ITGA3: variants seen among roughly 807,000 people sequenced by gnomAD.
ITGA3 encodes the protein integrin subunit alpha 3.
ITGA3 carries 70 observed loss-of-function variants against 131.1 expected under a neutral mutation model. The observed-to-expected ratio is 0.53, with a 90% CI of 0.44 to 0.65. The LOEUF (loss-of-function observed/expected upper bound fraction) is 0.65, where lower values mean the gene tolerates loss of function less well. Ranked by LOEUF, ITGA3 falls within the 30% of genes least tolerant of loss-of-function variation. ITGA3 has a pLI of 0.00. For missense variants in ITGA3, 1,098 were observed against 1,388.6 expected (o/e 0.79, Z 3.33); for synonymous variants, 537 against 571.6 (o/e 0.94, Z 0.86).
chr17:50,087,742 A>G lies in ITGA3; in HGVS notation c.2920-2A>G. The G allele has an allele frequency of 6.2e-7, 1 of 1,612,586 alleles. No individual in the cohort carries two copies. The highest frequency in any genetic ancestry group is 1.1e-5 in the South Asian group (1 of 91,050). ...GGCTGAGTCCTCCTCTCCCCGCTCC[A>G]GTTCTCTGTGGACATTGACTCGGAG... is the stretch of plus-strand genomic sequence containing the variant. On this transcript the variant is annotated splice_acceptor_variant, in intron 23 of 25. Transcript: ENST00000320031. LOFTEE classifies it high-confidence loss of function.
intron 23 of ITGA3, among the ~76,000 whole-genome samples, chr17:50,084,999 G>T (rs1248426427): frequency 6.6e-6 from 1 of 152,048 alleles, no homozygotes; most frequent in Non-Finnish European, 1.5e-5. Context: ...GATCACCTGA[G>T]GTCAGGAGTT....
chr17:50,061,427 G>A (rs1310539135), intron 1 of ITGA3, among the ~76,000 whole-genome samples: 2 of 152,062 alleles, frequency 1.3e-5, no homozygotes, highest in African/African-American at 4.8e-5. Context: ...GCTGCCTCCT[G>A]TATGACAACA....
intron 16 of ITGA3, among the ~76,000 whole-genome samples, 200 bp from the exon 17 acceptor site, chr17:50,077,846 G>A (rs533240543): frequency 6.6e-6 from 1 of 152,294 alleles, no homozygotes; most frequent in African/African-American, 2.4e-5. Flanking sequence ...CTCAAAAGTA[G>A]CAGAGATGTG....
rs2269772 is a variant in ITGA3 at position 50,072,022 on chromosome 17, C to T, written c.996C>T (p.Phe332=). The T allele has an allele frequency of 0.12, 194,753 of 1,613,448 alleles. 16,649 individuals carry two copies. The highest frequency in any genetic ancestry group is 0.34 in the African/African-American group (25,414 of 74,904). ...QDLLVGAPYY[F]ERKEEVGGAI... ...TCCTGGTGGGCGCCCCCTACTACTT[C>T]GAGAGGAAAGAGGAAGTAGGGGGTG... The change falls in exon 7 of 26, where the codon TTC becomes TTT. Residue 332 remains phenylalanine (F), a synonymous_variant. Coordinates refer to ENST00000320031, the MANE Select transcript of ITGA3 (RefSeq NM_002204.4).
chr17:50,076,241 C>T (rs1185793763), intron 12 of ITGA3, 85 bp from the exon 13 acceptor site: 4 of 1,492,280 alleles, frequency 2.7e-6, no homozygotes, highest in Non-Finnish European at 2.7e-6. Context: ...GGGTCCAGCT[C>T]TTCTCTGGGG....
intron 1 of ITGA3, chr17:50,063,819 C>A: frequency 2.0e-6 from 1 of 505,736 alleles, no homozygotes; most frequent in Non-Finnish European, 3.6e-6. Context: ...ATTAGGTCAC[C>A]TCTTCTGCTG....
At position 50,056,709 on chromosome 17, in the gene ITGA3, G is replaced by T; in HGVS notation, c.206+64G>T. On this transcript the variant is annotated intron_variant, in intron 1 of 25. Transcript: ENST00000320031. The surrounding 1 kb of genome is among the most constrained non-coding windows in gnomAD (Gnocchi z 5.6). ...GTGTGCGAGCGCGGGATGCGGGTCC[G>T]GAGCTGAGTCGGAGCCCAGGGCAGC... 1 of 1,497,088 alleles carries T rather than the reference G, an allele frequency of 6.7e-7. No individual in the cohort carries two copies. Among genetic ancestry groups the T allele is most frequent in the Non-Finnish European group, 9.0e-7 (1 of 1,106,906 alleles). The allele number at this position is 1,497,088 out of a possible 1,614,324, so 92.7% of individuals were successfully genotyped here.
Position 50,075,751 on chromosome 17 carries a change from GGGTCA to G in ITGA3, c.1674+19_1674+23del, listed in dbSNP as rs1908861114. The G allele has an allele frequency of 6.2e-7, 1 of 1,613,534 alleles. No homozygotes were observed. The stretch of plus-strand genomic sequence containing the variant: ...GCTCCTGATGGTGAGGGAGGAGCAA[GGGTCA>G]GGATGAGGGCTCCCAGGTCCCTGGA... On this transcript the variant is annotated intron_variant, in intron 12 of 25. Transcript: ENST00000320031.
intron 22 of ITGA3, 60 bp downstream of exon 22, chr17:50,080,435 G>T (rs1032277988): frequency 1.1e-6 from 1 of 951,244 alleles, no homozygotes. Context: ...GAACAACAGG[G>T]AGAGGGCGAG....
Position 50,076,439 on chromosome 17 carries a change from C to A in ITGA3, c.1788C>A (p.Ile596=). Reference sequence around the variant, plus strand: ...TGCGGTCCCTGGACGCCTACCCGATCCTCAACCAGGCACAGGCTCTGGAGA... The same window carrying A: ...TGCGGTCCCTGGACGCCTACCCGATACTCAACCAGGCACAGGCTCTGGAGA... ...LGLRSLDAYP[I]LNQAQALENH... Residue 596 remains isoleucine, a synonymous_variant, in exon 13 of 26, where the codon ATC becomes ATA. Transcript: ENST00000320031. 6.2e-7 allele frequency: 1 copy of A among 1,610,822 alleles called. No homozygotes were observed. Among genetic ancestry groups the A allele is most frequent in the Non-Finnish European group, 8.5e-7 (1 of 1,179,988 alleles).
At chr17:50,076,549 G>A in intron 13 of ITGA3, 35 bp from the exon 14 acceptor site, 3 of 1,608,000 alleles carry the variant, frequency 1.9e-6, no homozygotes, top group Non-Finnish European at 2.5e-6. Flanking sequence ...ACTGGGGGGG[G>A]TGGTGCGGCC....
chr17:50,071,049 G>A lies in ITGA3; in HGVS notation c.751+119G>A, dbSNP rs2301628. On this transcript the variant is annotated intron_variant, in intron 5 of 25. Coordinates refer to ENST00000320031, the MANE Select transcript of ITGA3 (RefSeq NM_002204.4). ...GGCATTTAGTTAAACTAGCACACAC[G>A]GATTGGCCGGCACCTGTATGCCAGG... 0.31 allele frequency: 241,004 copies of A among 772,402 alleles called. 43,334 individuals carry two copies. The highest frequency in any genetic ancestry group is 0.38 in the Middle Eastern group (1,325 of 3,518). The allele number at this position is 772,402 out of a possible 1,614,324, so 47.8% of individuals were successfully genotyped here. A position where few individuals can be genotyped will look rare whatever the true frequency, so the allele number is the denominator to read the frequency against.
chr17:50,072,400 T>A (rs1395526178), intron 7 of ITGA3, among the ~76,000 whole-genome samples: 1 of 152,104 alleles, frequency 6.6e-6, no homozygotes, highest in African/African-American at 2.4e-5. Context: ...TGGAGGAGCT[T>A]GCATGCCACT....
At position 50,070,892 on chromosome 17, in the gene ITGA3, G is replaced by C. The variant is rs1908594054; in HGVS notation, c.713G>C (p.Ser238Thr). ...QRKEWDLSEY[S>T]YKDPEDQGNL... ...AAGGAGTGGGACTTATCTGAGTATA[G>C]TTACAAGGACCCAGAGGACCAAGGA... Residue 238 changes from serine to threonine, a missense_variant, in exon 5 of 26, where the codon AGT (serine) becomes ACT (threonine). Physicochemically the swap from Ser to Thr is moderately conservative, Grantham distance 58 (BLOSUM62 1). Around this residue, in one of 3 missense-constraint regions of ITGA3, gnomAD observed 356 missense variants for 529.2 expected, o/e 0.67. Transcript: ENST00000320031. 6.2e-7 allele frequency: 1 copy of C among 1,612,484 alleles called. No individual in the cohort carries two copies. The highest frequency in any genetic ancestry group is 1.3e-5 in the African/African-American group (1 of 74,818).
In ITGA3 at chr17:50,064,516, C is replaced by G. The variant is rs371199298; in HGVS notation, c.335-12C>G. 3 of 1,607,610 alleles carry G rather than the reference C, an allele frequency of 1.9e-6. No individual in the cohort carries two copies. Among genetic ancestry groups the G allele is most frequent in the East Asian group, 4.5e-5 (2 of 44,754 alleles). ...GAGGTGCTCTGATTCATGATCCTTC[C>G]GGTGCCCACAGATGACCCTGGCCAT... On this transcript the variant is annotated splice_polypyrimidine_tract_variant and intron_variant, in intron 2 of 25. Coordinates refer to ENST00000320031, the MANE Select transcript of ITGA3 (RefSeq NM_002204.4). The surrounding 1 kb of genome is among the most constrained non-coding windows in gnomAD (Gnocchi z 4.4).
intron 1 of ITGA3, among the ~76,000 whole-genome samples, chr17:50,058,930 G>A (rs1333308175): frequency 6.6e-6 from 1 of 152,204 alleles, no homozygotes; most frequent in East Asian, 1.9e-4. Context: ...AGAGATGCAG[G>A]GACTCCCTGA....
At position 50,071,326 on chromosome 17, in the gene ITGA3, T is replaced by C; in HGVS notation, c.767T>C (p.Val256Ala). 1 of 1,613,966 alleles carries C rather than the reference T, an allele frequency of 6.2e-7. No homozygotes were observed. Among genetic ancestry groups the C allele is most frequent in the South Asian group, 1.1e-5 (1 of 91,086 alleles). The change falls in exon 6 of 26, where the codon GTA (valine) becomes GCA (alanine). Residue 256 changes from valine (V) to alanine (A), a missense_variant. This residue lies in a region of ITGA3 where 356 missense variants were observed against 529.2 expected (regional missense o/e 0.67). Coordinates refer to ENST00000320031, the MANE Select transcript of ITGA3 (RefSeq NM_002204.4). Reference sequence around the variant, plus strand: ...TCTATCCCAGGGTACACGATGCAGGTAGGCAGCTTCATCCTGCACCCCAAA... The same window carrying C: ...TCTATCCCAGGGTACACGATGCAGGCAGGCAGCTTCATCCTGCACCCCAAA... The part of the protein sequence containing the change: ...GNLYIGYTMQ[V>A]GSFILHPKNI...
chr17:50,073,547 T>C (rs112559594), intron 7 of ITGA3, among the ~76,000 whole-genome samples: 7,660 of 151,948 alleles, frequency 0.05, 251 homozygotes, highest in Admixed American at 0.091. Context: ...GCTATGACTG[T>C]GCCACTGCAC....
At chr17:50,076,928 C>T in intron 14 of ITGA3, 46 bp from the exon 15 acceptor site, 2 of 1,572,878 alleles carry the variant, frequency 1.3e-6, no homozygotes, top group South Asian at 1.2e-5. Flanking sequence ...TCCGGGAGTG[C>T]CCTGGGGGCG....
Sources: allele counts gnomAD v4.1 joint callset (sites outside exome capture counted in the v4.1 genomes callset), GRCh38; gene constraint gnomAD v4.1.1; regional missense constraint gnomAD v4.1.1; non-coding constraint Gnocchi (gnomAD v3.1); transcripts MANE v1.5; gene names NCBI Gene and HGNC (gene_info 2026-07-23, HGNC 2026-07-21).